ATP5F1A: variants seen among roughly 807,000 people sequenced by gnomAD.
ATP5F1A encodes ATP synthase F(1) complex subunit alpha, mitochondrial.
ATP5F1A carries 24 observed loss-of-function variants against 57.4 expected under a neutral mutation model. That is an observed-to-expected ratio of 0.42 (90% CI 0.30 to 0.59). The LOEUF (loss-of-function observed/expected upper bound fraction) is 0.59, where lower values mean the gene tolerates loss of function less well. ATP5F1A is among the 20% of genes least tolerant of loss of function. The probability of loss-of-function intolerance (pLI) is 0.19; values close to 1 mark genes in which losing one functional copy is unlikely to be tolerated. For missense variants in ATP5F1A, 494 were observed against 707.9 expected, an observed-to-expected ratio of 0.70 and a Z score of 3.43; for synonymous variants, 251 against 255.5, an observed-to-expected ratio of 0.98 and a Z score of 0.17.
chr18:46,081,682 A>AAAAAC lies in ATP5F1A; in HGVS notation c.*2599_*2600insGTTTT, dbSNP rs1909754655. On this transcript the variant is annotated 3_prime_UTR_variant, in exon 12 of 12. Coordinates refer to ENST00000398752, the MANE Select transcript of ATP5F1A (RefSeq NM_004046.6). The stretch of plus-strand genomic sequence containing the variant: ...TCTCAAAAAAAAAAAACAAAAAAAA[A>AAAAAC]AAAAAAAAAAAAAAACGAAATGTGC... 2.9e-5 allele frequency: 3 copies of AAAAAC among 102,326 alleles called. No individual in the cohort carries two copies. Among genetic ancestry groups the AAAAAC allele is most frequent in the African/African-American group, 3.9e-5 (1 of 25,446 alleles). The allele number at this position is 102,326 out of a possible 1,614,324, so 6.3% of individuals were successfully genotyped here. A position where few individuals can be genotyped will look rare whatever the true frequency, so the allele number is the denominator to read the frequency against.
At chr18:46,096,407 G>A (rs545512820) in intron 1 of ATP5F1A, among the ~76,000 whole-genome samples, 2 of 150,366 alleles carry the variant, frequency 1.3e-5, no homozygotes, top group East Asian at 2.0e-4. Flanking sequence ...AGCTGAGGCA[G>A]GAGAATCGCT....
At chr18:46,094,092 A>T (rs1055620980) in intron 2 of ATP5F1A, among the ~76,000 whole-genome samples, 2 of 150,852 alleles carry the variant, frequency 1.3e-5, no homozygotes, top group Non-Finnish European at 3.0e-5. Context: ...GGGCAACAAG[A>T]GCAAAACTCC....
chr18:46,091,578 T>C (rs1044591133), intron 3 of ATP5F1A, 104 bp downstream of exon 3: 19 of 1,268,896 alleles, frequency 1.5e-5, no homozygotes, highest in East Asian at 2.5e-5. Flanking sequence ...CTGAGGCAAA[T>C]TAAGACAAAG....
intron 1 of ATP5F1A, among the ~76,000 whole-genome samples, chr18:46,096,488 A>G (rs1256875099): frequency 2.2e-4 from 25 of 116,082 alleles, no homozygotes; most frequent in African/African-American, 6.4e-4. Flanking sequence ...CGACAAAAGC[A>G]AAACTCCGTC....
chr18:46,089,240 C>CA, intron 5 of ATP5F1A, among the ~76,000 whole-genome samples: 1 of 152,366 alleles, frequency 6.6e-6, no homozygotes. Context: ...TTTATTTTCT[C>CA]AGTCTCTCAA....
chr18:46,103,333 C>T (rs1223566031), intron 1 of ATP5F1A, among the ~76,000 whole-genome samples: 1 of 146,800 alleles, frequency 6.8e-6, no homozygotes, highest in Non-Finnish European at 1.5e-5. Flanking sequence ...AAAGGTCGGG[C>T]GCAGTGCCTG....
At chr18:46,103,913 CAAA>C (rs5824616) in intron 1 of ATP5F1A, among the ~76,000 whole-genome samples, 37 of 138,536 alleles carry the variant, frequency 2.7e-4, no homozygotes, top group Non-Finnish European at 5.4e-4. Flanking sequence ...GACTCTGTCT[CAAA>C]AAAAAAAAAT....
At position 46,086,099 on chromosome 18, in the gene ATP5F1A, A is replaced by G; in HGVS notation, c.1429+14T>C. 1 of 1,610,728 alleles carries G rather than the reference A, an allele frequency of 6.2e-7. No individual in the cohort carries two copies. Among genetic ancestry groups the G allele is most frequent in the Non-Finnish European group, 8.5e-7 (1 of 1,179,262 alleles). On this transcript the variant is annotated intron_variant, in intron 10 of 11. Transcript: ENST00000398752. ...CAATAGGAACCTGACCAAATGAAGAAAAGAACAACTTACAATACTGTCCTT... is the reference window on the plus strand; with the variant it reads ...CAATAGGAACCTGACCAAATGAAGAGAAGAACAACTTACAATACTGTCCTT...
At chr18:46,094,948 G>C (rs778123236) in intron 2 of ATP5F1A, 105 bp downstream of exon 2, 21 of 1,385,112 alleles carry the variant, frequency 1.5e-5, no homozygotes, top group Middle Eastern at 2.3e-4. Flanking sequence ...ATACAAACTA[G>C]AGAAAAAACT....
chr18:46,086,023 C>T, intron 10 of ATP5F1A, 90 bp downstream of exon 10: 5 of 1,394,008 alleles, frequency 3.6e-6, no homozygotes, highest in Non-Finnish European at 4.9e-6. Flanking sequence ...ACACGTAGTA[C>T]AGGCCGTGAT....
upstream of ATP5F1A, chr18:46,098,371 C>G: frequency 8.4e-7 from 1 of 1,188,352 alleles, no homozygotes; most frequent in Non-Finnish European, 1.1e-6. Context: ...CACCACCTCT[C>G]CCCCCGCCCC....
chr18:46,098,349 G>T, upstream of ATP5F1A: 1 of 1,350,320 alleles, frequency 7.4e-7, no homozygotes. Context: ...CGGAAGTACT[G>T]CCCCTCGCGT....
At chr18:46,094,354 G>C (rs983723867) in intron 2 of ATP5F1A, among the ~76,000 whole-genome samples, 1 of 152,026 alleles carries the variant, frequency 6.6e-6, no homozygotes, top group African/African-American at 2.4e-5. Context: ...ATATCTAGTA[G>C]CTACTGCCTT....
At chr18:46,098,110 G>A in intron 1 of ATP5F1A, 62 bp downstream of exon 1, 1 of 1,540,342 alleles carries the variant, frequency 6.5e-7, no homozygotes, top group Non-Finnish European at 8.7e-7. Context: ...CGCCCGAGCC[G>A]GCGCACCACC....
intron 2 of ATP5F1A, among the ~76,000 whole-genome samples, chr18:46,094,081 T>C (rs1010556042): frequency 6.6e-6 from 1 of 150,888 alleles, no homozygotes; most frequent in South Asian, 2.1e-4. Context: ...CACTCCAGCC[T>C]GGGCAACAAG....
In ATP5F1A at chr18:46,092,049, T is replaced by C. The variant is rs9954278; in HGVS notation, c.140-198A>G. 141,567 of 355,126 alleles carry C rather than the reference T, an allele frequency of 0.4. 29,454 individuals are homozygous for C. The highest frequency in any genetic ancestry group is 0.54 in the Middle Eastern group (651 of 1,208). 22.0% of individuals were successfully genotyped at this position (355,126 alleles called of 1,614,324 possible). A position where few individuals can be genotyped will look rare whatever the true frequency, so the allele number is the denominator to read the frequency against. On this transcript the variant is annotated intron_variant, in intron 2 of 11. Coordinates refer to ENST00000398752, the MANE Select transcript of ATP5F1A (RefSeq NM_004046.6). ...AGCTGGGCATGGTGGCACATGCCTG[T>C]AATCCCAGCTACTCGGGAGGCGGAG...
chr18:46,082,456 C>T lies in ATP5F1A; in HGVS notation c.*1826G>A, dbSNP rs1270321047. 3 of 148,096 alleles carry T rather than the reference C, an allele frequency of 2.0e-5. No homozygotes were observed. Among genetic ancestry groups the T allele is most frequent in the African/African-American group, 5.0e-5 (2 of 39,916 alleles). 9.2% of individuals were successfully genotyped at this position (148,096 alleles called of 1,614,324 possible). A position where few individuals can be genotyped will look rare whatever the true frequency, so the allele number is the denominator to read the frequency against. On this transcript the variant is annotated 3_prime_UTR_variant, in exon 12 of 12. Transcript: ENST00000398752. The stretch of plus-strand genomic sequence containing the variant: ...ATCCCAGCACTGTGGGAGGCCAAGG[C>T]AGGCAGATCACAAGGTCAGGAGTTC...
intron 1 of ATP5F1A, chr18:46,097,778 G>A: frequency 2.0e-6 from 2 of 1,019,770 alleles, no homozygotes; most frequent in Non-Finnish European, 2.4e-6. Flanking sequence ...AGAGCTGACA[G>A]CAGTTTTCTG....
chr18:46,103,862 C>G (rs1002488797), intron 1 of ATP5F1A, among the ~76,000 whole-genome samples: 1 of 151,574 alleles, frequency 6.6e-6, no homozygotes, highest in Non-Finnish European at 1.5e-5. Flanking sequence ...TGCAGTGAGC[C>G]GAGATCATGC....
Sources: gnomAD v4.1 joint callset for allele counts (sites outside exome capture counted in the v4.1 genomes callset) on GRCh38, gnomAD v4.1.1 for gene constraint, MANE v1.5 for transcripts, NCBI Gene and HGNC (gene_info 2026-07-23, HGNC 2026-07-21) for gene names.